The following P3H2 variants were observed in gnomAD, a reference collection of about 807,000 sequenced individuals.
The protein encoded by P3H2 is leprecan-like 1.
A neutral mutation model predicts 87.0 loss-of-function variants in P3H2; 80 were observed. The observed-to-expected ratio is 0.92, with a 90% CI of 0.77 to 1.11. The LOEUF is 1.11. Among genes scored for constraint, P3H2 ranks in the 50% least tolerant of loss-of-function variants. P3H2 has a pLI of 0.00. For missense variants in P3H2, 1,001 were observed against 923.9 expected, an observed-to-expected ratio of 1.08 and a Z score of -1.08; for synonymous variants, 367 against 359.3, an observed-to-expected ratio of 1.02 and a Z score of -0.24.
At chr3:190,038,614 C>T (rs978062814) in intron 1 of P3H2, among the ~76,000 whole-genome samples, 1 of 151,898 alleles carries the variant, frequency 6.6e-6, no homozygotes, top group African/African-American at 2.4e-5. Context: ...AGGATAGAAG[C>T]TGGCATTATA....
intron 1 of P3H2, among the ~76,000 whole-genome samples, chr3:190,115,417 A>T (rs1357738029): frequency 6.7e-6 from 1 of 148,974 alleles, no homozygotes; most frequent in African/African-American, 2.5e-5. Flanking sequence ...AATGGTTGGG[A>T]AAAGTGGGAG....
intron 1 of P3H2, among the ~76,000 whole-genome samples, chr3:190,039,193 A>AAT (rs1725521089): frequency 6.6e-6 from 1 of 151,888 alleles, no homozygotes; most frequent in Non-Finnish European, 1.5e-5. Context: ...CCATCTCAAA[A>AAT]AAAAAAATAA....
chr3:190,111,283 C>T (rs1412812971), intron 1 of P3H2, among the ~76,000 whole-genome samples: 3 of 141,270 alleles, frequency 2.1e-5, no homozygotes, highest in Admixed American at 6.9e-5. Flanking sequence ...ATTTTAACTT[C>T]GTTAAGCTTG....
intron 1 of P3H2, among the ~76,000 whole-genome samples, chr3:190,083,581 T>C (rs1577315104): frequency 6.6e-6 from 1 of 152,290 alleles, no homozygotes; most frequent in South Asian, 2.1e-4. Flanking sequence ...TCTGAAAATG[T>C]GTAATTGTGG....
At position 189,989,991 on chromosome 3, in the gene P3H2, A is replaced by C. The variant is rs185196474; in HGVS notation, c.824-953T>G. Reference sequence around the variant, plus strand: ...GAAAGATTCATTCATGGCTGCGCTGAGTGGGTTCTTTTGAGAATGATGATA... The same window carrying C: ...GAAAGATTCATTCATGGCTGCGCTGCGTGGGTTCTTTTGAGAATGATGATA... On this transcript the variant is annotated intron_variant, in intron 3 of 14. Coordinates refer to ENST00000319332, the MANE Select transcript of P3H2 (RefSeq NM_018192.4). 1.3e-3 allele frequency among the ~76,000 whole-genome samples: 195 copies of C among 152,322 alleles called. 3 individuals carry two copies. Among genetic ancestry groups the C allele is most frequent in the Admixed American group, 7.2e-4 (11 of 15,300 alleles).
At chr3:190,112,913 T>C (rs534606913) in intron 1 of P3H2, among the ~76,000 whole-genome samples, 5 of 150,848 alleles carry the variant, frequency 3.3e-5, no homozygotes, top group Non-Finnish European at 7.4e-5. Context: ...AAAAGAATTA[T>C]AGAAGAAAGA....
chr3:190,070,800 C>T (rs1288749754), intron 1 of P3H2, among the ~76,000 whole-genome samples: 1 of 152,194 alleles, frequency 6.6e-6, no homozygotes, highest in East Asian at 1.9e-4. Flanking sequence ...CAGCCCCTTG[C>T]TACAGCTTCC....
At chr3:189,990,199 G>C (rs951522744) in intron 3 of P3H2, among the ~76,000 whole-genome samples, 1 of 152,074 alleles carries the variant, frequency 6.6e-6, no homozygotes, top group Non-Finnish European at 1.5e-5. Context: ...GTATAACTTG[G>C]CTAACTGAAT....
chr3:190,109,832 C>T (rs1711998503), intron 1 of P3H2, among the ~76,000 whole-genome samples: 1 of 146,450 alleles, frequency 6.8e-6, no homozygotes, highest in South Asian at 2.1e-4. Context: ...ACCATCTAAC[C>T]TTGATGCCCA....
upstream of P3H2, chr3:190,120,975 A>T (rs1192867503): frequency 1.9e-6 from 1 of 528,710 alleles, no homozygotes; most frequent in East Asian, 3.7e-5. Flanking sequence ...AGACTCCGAG[A>T]GCCGCTCTCC....
intron 1 of P3H2, among the ~76,000 whole-genome samples, chr3:190,046,636 A>G (rs59145083): frequency 0.81 from 122,696 of 151,506 alleles, 49,830 homozygotes; most frequent in East Asian, 0.88. Flanking sequence ...TCACAATCAG[A>G]TATAGATTTA....
chr3:190,001,763 A>C (rs1724223430), intron 1 of P3H2, among the ~76,000 whole-genome samples: 1 of 150,392 alleles, frequency 6.6e-6, no homozygotes, highest in South Asian at 2.1e-4. Context: ...ACTCATATAC[A>C]TACACATGTC....
intron 13 of P3H2, among the ~76,000 whole-genome samples, chr3:189,966,123 A>AAAAG (rs34608513): frequency 0.078 from 7,936 of 102,028 alleles, 586 homozygotes; most frequent in Non-Finnish European, 0.088. Context: ...GAAAGAAAGA[A>AAAAG]AAAGAAAGAA....
At chr3:190,014,871 T>G (rs1315986297) in intron 1 of P3H2, among the ~76,000 whole-genome samples, 1 of 152,296 alleles carries the variant, frequency 6.6e-6, no homozygotes, top group South Asian at 2.1e-4. Context: ...AGAGGGAATG[T>G]GTAAGACCAG....
intron 1 of P3H2, among the ~76,000 whole-genome samples, chr3:190,077,373 G>A (rs1455802411): frequency 6.6e-6 from 1 of 152,150 alleles, no homozygotes; most frequent in South Asian, 2.1e-4. Flanking sequence ...GTCAGACCTG[G>A]AAAATCAGTT....
rs1454800847 is a variant in P3H2, at chr3:189,995,341, T to C, written c.582A>G (p.Thr194=). 6.2e-7 allele frequency: 1 copy of C among 1,614,160 alleles called. No individual in the cohort carries two copies. ...CCAACTGCAATGCTTCAACACCAGCTGTCGCCCTGTAATTCTCAATGTTCT... is the reference window on the plus strand; with the variant it reads ...CCAACTGCAATGCTTCAACACCAGCCGTCGCCCTGTAATTCTCAATGTTCT... ...MQQNIENYRA[T]AGVEALQLVD... Residue 194 remains threonine, a synonymous_variant, in exon 2 of 15, where the codon ACA becomes ACG. Transcript: ENST00000319332.
At chr3:190,044,883 C>T (rs1360759594) in intron 1 of P3H2, among the ~76,000 whole-genome samples, 2 of 152,062 alleles carry the variant, frequency 1.3e-5, no homozygotes, top group East Asian at 1.9e-4. Context: ...CATGCAGTAA[C>T]CAGAAAAACG....
chr3:190,050,755 C>T (rs900609341), intron 1 of P3H2, among the ~76,000 whole-genome samples: 2 of 152,176 alleles, frequency 1.3e-5, no homozygotes, highest in African/African-American at 4.8e-5. Context: ...TCTCAGTTAC[C>T]TTCTCTTATA....
intron 13 of P3H2, chr3:189,969,264 C>T (rs115719070): frequency 1.1e-5 from 9 of 848,284 alleles, no homozygotes; most frequent in Non-Finnish European, 1.6e-5. Context: ...TGAGAACCAC[C>T]TCTGGAACTG....
Sources: gnomAD v4.1 joint callset for allele counts (sites outside exome capture counted in the v4.1 genomes callset) on GRCh38, gnomAD v4.1.1 for gene constraint, MANE v1.5 for transcripts, NCBI Gene and HGNC (gene_info 2026-07-23, HGNC 2026-07-21) for gene names.